Variants in PPP2R3A observed in about 807,000 individuals in gnomAD.
PPP2R3A encodes the protein serine/threonine-protein phosphatase 2A regulatory subunit B'' subunit alpha.
A neutral mutation model predicts 106.9 loss-of-function variants in PPP2R3A; 80 were observed. That is an observed-to-expected ratio of 0.75 (90% CI 0.62 to 0.90). The LOEUF (loss-of-function observed/expected upper bound fraction) is 0.90, where lower values mean the gene tolerates loss of function less well. PPP2R3A is among the 40% of genes least tolerant of loss of function. The pLI is 0.00. For missense variants in PPP2R3A, 1,386 were observed against 1,350.4 expected (o/e 1.03, Z -0.41); for synonymous variants, 483 against 468.3 (o/e 1.03, Z -0.41).
At chr3:136,075,964 C>G (rs1270617401) in intron 6 of PPP2R3A, among the ~76,000 whole-genome samples, 1 of 151,646 alleles carries the variant, frequency 6.6e-6, no homozygotes, top group African/African-American at 2.4e-5. Flanking sequence ...CAAGCTAGTG[C>G]TAAGAATACA....
At chr3:135,990,671 C>T (rs760181890) in intron 1 of PPP2R3A, among the ~76,000 whole-genome samples, 17 of 152,244 alleles carry the variant, frequency 1.1e-4, no homozygotes, top group East Asian at 1.9e-4. Context: ...AAAAGTCTTA[C>T]GTTAGATCCC....
Position 136,078,381 on chromosome 3 carries a change from A to G in PPP2R3A, c.2559A>G (p.Ile853Met), listed in dbSNP as rs1177716972. ...SRYITTVIQR[I>M]FYTVNRSWSG... ...TTTGGAACCAGGTTATTCAGAGAATATTCTACACAGTCAACAGATCTTGGA... is the reference window on the plus strand; with the variant it reads ...TTTGGAACCAGGTTATTCAGAGAATGTTCTACACAGTCAACAGATCTTGGA... Residue 853 changes from isoleucine (I) to methionine (M), a missense_variant, in exon 7 of 14, where the codon ATA becomes ATG. Transcript: ENST00000264977. 6.2e-7 allele frequency: 1 copy of G among 1,607,298 alleles called. No homozygotes were observed.
At chr3:136,012,353 A>C (rs954105814) in intron 2 of PPP2R3A, among the ~76,000 whole-genome samples, 2 of 152,198 alleles carry the variant, frequency 1.3e-5, no homozygotes, top group African/African-American at 4.8e-5. Context: ...AGTATTAGGA[A>C]CACTGAAAAG....
At chr3:136,082,140 G>C (rs1171821248) in intron 7 of PPP2R3A, 125 bp from the exon 8 acceptor site, 2 of 714,900 alleles carry the variant, frequency 2.8e-6, no homozygotes, top group African/African-American at 3.6e-5. Flanking sequence ...CCTATTAAAG[G>C]GTTTCTGATT....
At chr3:136,093,790 A>G (rs985034036) in intron 10 of PPP2R3A, among the ~76,000 whole-genome samples, 4 of 152,242 alleles carry the variant, frequency 2.6e-5, no homozygotes, top group Admixed American at 6.5e-5. Flanking sequence ...CTCATACATT[A>G]CAATAGGAAT....
chr3:136,008,308 C>A (rs1933915395), intron 2 of PPP2R3A, among the ~76,000 whole-genome samples: 2 of 152,096 alleles, frequency 1.3e-5, no homozygotes, highest in Non-Finnish European at 1.5e-5. Flanking sequence ...GCTGGGAATG[C>A]TTAAGTAGAA....
rs573368727 is a variant in PPP2R3A, at chr3:136,021,091, T to G, written c.1996-5741T>G. On this transcript the variant is annotated intron_variant, in intron 2 of 13. Coordinates refer to ENST00000264977, the MANE Select transcript of PPP2R3A (RefSeq NM_002718.5). ...TTGGTGTTGGGAAGGAGAGGAAATT[T>G]AAGGTGTGGTTTAATAGAATAAGCA... 4.4e-4 allele frequency among the ~76,000 whole-genome samples: 67 copies of G among 152,154 alleles called. 1 individual carries two copies. Among genetic ancestry groups the G allele is most frequent in the South Asian group, 4.4e-3 (21 of 4,824 alleles).
intron 3 of PPP2R3A, among the ~76,000 whole-genome samples, chr3:136,032,005 A>G (rs1387852073): frequency 5.3e-5 from 8 of 152,122 alleles, no homozygotes; most frequent in Non-Finnish European, 1.0e-4. Context: ...TTGGTTCTAT[A>G]TGAATTTTAG....
intron 8 of PPP2R3A, among the ~76,000 whole-genome samples, chr3:136,087,245 G>GTGTCTCTCTCTCTC (rs1403359444): frequency 1.3e-5 from 1 of 75,128 alleles, no homozygotes; most frequent in African/African-American, 4.6e-5. Context: ...CTCTAGTCGT[G>GTGTCTCTCTCTCTC]TCTCTCTCTC....
At chr3:135,982,461 C>T (rs779800539) in intron 1 of PPP2R3A, among the ~76,000 whole-genome samples, 3 of 152,120 alleles carry the variant, frequency 2.0e-5, no homozygotes, top group African/African-American at 4.8e-5. Context: ...GGCTGAATGG[C>T]GGTCAAAGGT....
chr3:135,966,059 T>G (rs1261763922), intron 1 of PPP2R3A, among the ~76,000 whole-genome samples: 1 of 151,490 alleles, frequency 6.6e-6, no homozygotes, highest in African/African-American at 2.4e-5. Flanking sequence ...GTGCGGTGCG[T>G]TGCCTCGGCG....
chr3:136,143,468 GCAAC>G (rs1938960971), intron 13 of PPP2R3A, among the ~76,000 whole-genome samples: 1 of 151,834 alleles, frequency 6.6e-6, no homozygotes. Context: ...TCCAGCCTGG[GCAAC>G]AGAGCAAGAC....
Position 136,037,313 on chromosome 3 carries a change from T to C in PPP2R3A, c.2263-3546T>C, listed in dbSNP as rs16843656. 7.3e-3 allele frequency among the ~76,000 whole-genome samples: 1,105 copies of C among 152,296 alleles called. 11 individuals are homozygous for C. The highest frequency in any genetic ancestry group is 0.026 in the African/African-American group (1,084 of 41,568). On this transcript the variant is annotated intron_variant, in intron 3 of 13. Transcript: ENST00000264977. ...TCTCAGTGTGTAGTTTGTACGTTTTTCCACAGCTTTAAGTAATGATAGAGA... is the reference window on the plus strand; with the variant it reads ...TCTCAGTGTGTAGTTTGTACGTTTTCCCACAGCTTTAAGTAATGATAGAGA...
chr3:135,984,792 A>C (rs925854614), intron 1 of PPP2R3A, among the ~76,000 whole-genome samples: 3 of 152,210 alleles, frequency 2.0e-5, no homozygotes, highest in African/African-American at 7.2e-5. Context: ...AAGACGGGGC[A>C]ATTTACAAAA....
intron 6 of PPP2R3A, 43 bp downstream of exon 6, chr3:136,070,595 A>T: frequency 6.7e-7 from 1 of 1,498,178 alleles, no homozygotes; most frequent in Non-Finnish European, 9.1e-7. Context: ...TCCATAAGTC[A>T]CCTTTTTATT....
intron 10 of PPP2R3A, among the ~76,000 whole-genome samples, chr3:136,101,498 C>G (rs746749364): frequency 6.6e-6 from 1 of 152,200 alleles, no homozygotes; most frequent in Admixed American, 6.5e-5. Flanking sequence ...AGTCTTGGCT[C>G]ACTGCACCCT....
chr3:135,976,097 T>C (rs2107752227), intron 1 of PPP2R3A, among the ~76,000 whole-genome samples: 3 of 152,358 alleles, frequency 2.0e-5, no homozygotes, highest in Admixed American at 2.0e-4. Context: ...GGTTACATCC[T>C]GTGATCCATT....
chr3:136,036,158 G>A (rs1409538377), intron 3 of PPP2R3A, among the ~76,000 whole-genome samples: 1 of 151,944 alleles, frequency 6.6e-6, no homozygotes, highest in African/African-American at 2.4e-5. Context: ...ATTGGGCTTT[G>A]CCTTTCTCTG....
chr3:136,083,420 G>A (rs1031676200), intron 8 of PPP2R3A, among the ~76,000 whole-genome samples: 2 of 152,164 alleles, frequency 1.3e-5, no homozygotes, highest in African/African-American at 4.8e-5. Flanking sequence ...CTGCCACCCT[G>A]TAACATGTGC....
Sources: gnomAD v4.1 joint callset for allele counts (sites outside exome capture counted in the v4.1 genomes callset) on GRCh38, gnomAD v4.1.1 for gene constraint, MANE v1.5 for transcripts, NCBI Gene and HGNC (gene_info 2026-07-23, HGNC 2026-07-21) for gene names.